The following INPP4B variants were observed in gnomAD, a reference collection of about 807,000 sequenced individuals.
INPP4B encodes the protein inositol polyphosphate-4-phosphatase type II B.
INPP4B carries 55 observed loss-of-function variants against 122.5 expected under a neutral mutation model. The ratio of observed to expected loss-of-function variants is 0.45; its 90% CI spans 0.36 to 0.56. The LOEUF is 0.56. INPP4B is among the 20% of genes least tolerant of loss of function. INPP4B has a pLI of 0.00. For missense variants in INPP4B, 1,000 were observed against 1,097.7 expected (o/e 0.91, Z 1.26); for synonymous variants, 403 against 388.7 (o/e 1.04, Z -0.43).
At chr4:142,032,741 T>C (rs1428874813) in intron 25 of INPP4B, among the ~76,000 whole-genome samples, 1 of 152,158 alleles carries the variant, frequency 6.6e-6, no homozygotes, top group East Asian at 1.9e-4. Context: ...TATTTCCTTA[T>C]CTGTAAAGTG....
At chr4:142,788,496 G>A (rs551956353) in intron 1 of INPP4B, among the ~76,000 whole-genome samples, 6 of 152,046 alleles carry the variant, frequency 3.9e-5, no homozygotes, top group African/African-American at 1.4e-4. Flanking sequence ...TAGGTTATTG[G>A]GCAACAGGAG....
chr4:142,615,643 G>A (rs1183219880), intron 2 of INPP4B, among the ~76,000 whole-genome samples: 1 of 151,918 alleles, frequency 6.6e-6, no homozygotes, highest in Non-Finnish European at 1.5e-5. Flanking sequence ...TTATTAATGC[G>A]AGTCAGTTGT....
chr4:142,648,251 C>T (rs1315812201), intron 2 of INPP4B, among the ~76,000 whole-genome samples: 2 of 152,192 alleles, frequency 1.3e-5, no homozygotes, highest in East Asian at 1.9e-4. Flanking sequence ...CCAGCATGAT[C>T]GATGCAGAAG....
intron 7 of INPP4B, among the ~76,000 whole-genome samples, chr4:142,345,382 G>A (rs76830067): frequency 0.01 from 1,528 of 151,866 alleles, 33 homozygotes; most frequent in African/African-American, 0.035. Flanking sequence ...TTAAGACCAC[G>A]GGGAAAATAC....
In INPP4B at chr4:142,846,048, G is replaced by A. The variant is rs1026312949; in HGVS notation, c.-254+161C>T. Among the ~76,000 whole-genome samples, 1 of 152,028 alleles carries A rather than the reference G, an allele frequency of 6.6e-6. No individual in the cohort carries two copies. Among genetic ancestry groups the A allele is most frequent in the African/African-American group, 2.4e-5 (1 of 41,416 alleles). On this transcript the variant is annotated intron_variant, in intron 1 of 25. Transcript: ENST00000262992. This position sits in a 1 kb window ranked among gnomAD's most constrained non-coding sequence, Gnocchi z 5.1. Reference sequence around the variant, plus strand: ...AAGAGCTGGAGGGGTGATGGAGGCTGCAAGACGGAGAAACTTGATGCAAAA... The same window carrying A: ...AAGAGCTGGAGGGGTGATGGAGGCTACAAGACGGAGAAACTTGATGCAAAA...
chr4:142,662,109 C>A (rs1015659908), intron 2 of INPP4B, among the ~76,000 whole-genome samples: 7 of 152,074 alleles, frequency 4.6e-5, no homozygotes, highest in African/African-American at 1.4e-4. Context: ...GTGGCAGGCA[C>A]CTGTAGTCCC....
intron 21 of INPP4B, among the ~76,000 whole-genome samples, chr4:142,119,954 C>T (rs530884242): frequency 2.5e-4 from 38 of 151,020 alleles, no homozygotes; most frequent in African/African-American, 9.0e-4. Flanking sequence ...CAAATATTTC[C>T]TTCTGAGTTT....
chr4:142,695,522 C>T (rs543870513), intron 2 of INPP4B, among the ~76,000 whole-genome samples: 4 of 152,106 alleles, frequency 2.6e-5, no homozygotes, highest in African/African-American at 9.7e-5. Context: ...TGTAATGCAG[C>T]TGTCACTTCC....
chr4:142,405,157 GC>G, intron 6 of INPP4B, 48 bp downstream of exon 6: 1 of 1,086,178 alleles, frequency 9.2e-7, no homozygotes, highest in Non-Finnish European at 1.4e-6. Flanking sequence ...GAGCGAGCCA[GC>G]AAGAGAGAGA....
intron 1 of INPP4B, among the ~76,000 whole-genome samples, chr4:142,841,998 TAGAC>T (rs1783557321): frequency 6.6e-6 from 1 of 151,846 alleles, no homozygotes; most frequent in South Asian, 2.1e-4. Context: ...GATAGATCGA[TAGAC>T]AGATAGATAG....
chr4:142,190,320 C>G (rs1298853840), intron 15 of INPP4B, among the ~76,000 whole-genome samples: 1 of 151,950 alleles, frequency 6.6e-6, no homozygotes, highest in African/African-American at 2.4e-5. Context: ...AACCTAAAGC[C>G]CAAATTACTC....
chr4:142,123,499 T>A (rs1797441299), intron 19 of INPP4B, 84 bp from the exon 20 acceptor site: 1 of 1,360,720 alleles, frequency 7.3e-7, no homozygotes, highest in Non-Finnish European at 1.0e-6. Flanking sequence ...TTCTGAGGCA[T>A]CACAGATTCG....
At chr4:142,545,061 G>T (rs1829392568) in intron 2 of INPP4B, among the ~76,000 whole-genome samples, 1 of 152,072 alleles carries the variant, frequency 6.6e-6, no homozygotes. Context: ...GAGGGATGCT[G>T]ATTACATGTG....
chr4:142,053,560 C>G (rs1000010275), intron 25 of INPP4B, among the ~76,000 whole-genome samples: 1 of 146,054 alleles, frequency 6.8e-6, no homozygotes, highest in Non-Finnish European at 1.5e-5. Context: ...CATTTCCACA[C>G]AGATAAAAGT....
intron 2 of INPP4B, among the ~76,000 whole-genome samples, chr4:142,489,348 T>A (rs546223584): frequency 2.8e-4 from 42 of 152,228 alleles, no homozygotes; most frequent in African/African-American, 9.1e-4. Flanking sequence ...TTGGGAATAG[T>A]ATTCTACATA....
At chr4:142,537,455 G>C (rs1475774752) in intron 2 of INPP4B, among the ~76,000 whole-genome samples, 1 of 119,208 alleles carries the variant, frequency 8.4e-6, no homozygotes, top group African/African-American at 2.9e-5. Context: ...GAGAGAGAGA[G>C]AGAGAGAGAG....
intron 1 of INPP4B, among the ~76,000 whole-genome samples, chr4:142,835,481 A>G (rs1441417): frequency 0.33 from 49,940 of 152,052 alleles, 9,418 homozygotes; most frequent in African/African-American, 0.52. Context: ...TATGAAAAAA[A>G]TTCTGGACTA....
intron 2 of INPP4B, among the ~76,000 whole-genome samples, chr4:142,484,991 C>T (rs1821034029): frequency 6.6e-6 from 1 of 151,938 alleles, no homozygotes; most frequent in Non-Finnish European, 1.5e-5. Flanking sequence ...TTAATTTGTC[C>T]TTGGGTGCAC....
chr4:142,682,526 TTG>T (rs1254211174), intron 2 of INPP4B, among the ~76,000 whole-genome samples: 11 of 152,036 alleles, frequency 7.2e-5, no homozygotes, highest in Admixed American at 5.3e-4. Flanking sequence ...AATTATTATA[TTG>T]TGTTTTTCAT....
Sources: allele counts gnomAD v4.1 joint callset (sites outside exome capture counted in the v4.1 genomes callset), GRCh38; gene constraint gnomAD v4.1.1; non-coding constraint Gnocchi (gnomAD v3.1); transcripts MANE v1.5; gene names NCBI Gene and HGNC (gene_info 2026-07-23, HGNC 2026-07-21).